The following ADGRD1 variants were observed in gnomAD, a reference collection of about 807,000 sequenced individuals.
ADGRD1 encodes adhesion G protein-coupled receptor D1.
A neutral mutation model predicts 113.4 loss-of-function variants in ADGRD1; 77 were observed. That is an observed-to-expected ratio of 0.68 (90% CI 0.57 to 0.82). The LOEUF (loss-of-function observed/expected upper bound fraction) is 0.82. Among genes scored for constraint, ADGRD1 ranks in the 40% least tolerant of loss-of-function variants. The pLI is 0.00. For missense variants in ADGRD1, 1,036 were observed against 1,139.1 expected (o/e 0.91, Z 1.30); for synonymous variants, 474 against 475.0 (o/e 1.00, Z 0.03).
rs1445549811 is a variant in ADGRD1 at position 131,096,991 on chromosome 12, C to T, written c.1672-7840C>T. Among the ~76,000 whole-genome samples, 2 of 152,174 alleles carry T rather than the reference C, an allele frequency of 1.3e-5. No homozygotes were observed. The highest frequency in any genetic ancestry group is 2.4e-5 in the African/African-American group (1 of 41,442). ...TACACGTGGCTTTTTGGGCAGTGGC[C>T]ACGCCTCTGCTGTGGCTGCAGCCCT... On this transcript the variant is annotated intron_variant, in intron 15 of 24. Transcript: ENST00000261654. The surrounding 1 kb of genome is among the most constrained non-coding windows in gnomAD (Gnocchi z 5.2).
At chr12:130,973,063 G>T (rs1871879262) in intron 4 of ADGRD1, 1 of 152,198 alleles carries the variant, frequency 6.6e-6, no homozygotes, top group Non-Finnish European at 1.5e-5. Flanking sequence ...CTGAAAAATA[G>T]GAAATTTCCA....
chr12:130,982,818 C>T (rs1873180314), intron 5 of ADGRD1, among the ~76,000 whole-genome samples: 1 of 151,930 alleles, frequency 6.6e-6, no homozygotes, highest in Non-Finnish European at 1.5e-5. Flanking sequence ...GAAGTGGAAG[C>T]TGGAGAAGGG....
intron 13 of ADGRD1, chr12:131,024,400 G>C (rs1019671276): frequency 6.6e-6 from 1 of 152,266 alleles, no homozygotes; most frequent in Non-Finnish European, 1.5e-5. Context: ...AGTGTGGCTG[G>C]TGCTGCAGCA....
chr12:131,073,642 T>C (rs1593165326), intron 13 of ADGRD1, among the ~76,000 whole-genome samples: 1 of 152,346 alleles, frequency 6.6e-6, no homozygotes, highest in South Asian at 2.1e-4. Context: ...CTGGGTAATT[T>C]ATAAAGGAAA....
At chr12:131,118,174 T>A (rs1356326534) in intron 18 of ADGRD1, among the ~76,000 whole-genome samples, 1 of 152,154 alleles carries the variant, frequency 6.6e-6, no homozygotes, top group Non-Finnish European at 1.5e-5. Flanking sequence ...AACATGTGAG[T>A]ATGAGTGTGT....
At chr12:131,086,659 C>G (rs959754298) in intron 15 of ADGRD1, among the ~76,000 whole-genome samples, 2 of 152,346 alleles carry the variant, frequency 1.3e-5, no homozygotes, top group Admixed American at 1.3e-4. Context: ...AGCTGCAGCC[C>G]CTCACAGGGC....
intron 13 of ADGRD1, among the ~76,000 whole-genome samples, chr12:131,039,416 A>G (rs1018732649): frequency 1.3e-5 from 2 of 152,258 alleles, no homozygotes; most frequent in African/African-American, 4.8e-5. Context: ...TTCCCGGTCT[A>G]GACCATCTTC....
intron 5 of ADGRD1, among the ~76,000 whole-genome samples, chr12:130,983,043 G>A (rs1171019073): frequency 2.6e-5 from 4 of 152,290 alleles, no homozygotes; most frequent in African/African-American, 7.2e-5. Flanking sequence ...ATTAAAAAGC[G>A]TGAACTCTGG....
At chr12:131,065,189 T>G (rs1162983709) in intron 13 of ADGRD1, among the ~76,000 whole-genome samples, 1 of 152,012 alleles carries the variant, frequency 6.6e-6, no homozygotes, top group Non-Finnish European at 1.5e-5. Flanking sequence ...GTGCCGGGGG[T>G]TCAGGGTTGA....
intron 8 of ADGRD1, among the ~76,000 whole-genome samples, chr12:130,999,633 T>C (rs1876084668): frequency 6.6e-6 from 1 of 152,032 alleles, no homozygotes; most frequent in Non-Finnish European, 1.5e-5. Flanking sequence ...CAGTTAAGAC[T>C]GTGTGTGAAT....
At chr12:130,963,399 C>T (rs1231758803) in intron 2 of ADGRD1, among the ~76,000 whole-genome samples, 5 of 150,928 alleles carry the variant, frequency 3.3e-5, no homozygotes, top group Non-Finnish European at 7.4e-5. Flanking sequence ...AAATCTTCTT[C>T]TTACATCTCG....
At position 131,098,264 on chromosome 12, in the gene ADGRD1, G is replaced by A. The variant is rs146336866; in HGVS notation, c.1672-6567G>A. Among the ~76,000 whole-genome samples the A allele has an allele frequency of 7.9e-4, 67 of 84,742 alleles. 1 individual carries two copies. In the East Asian group the frequency reaches 0.047, roughly 60 times the overall value. 55.6% of individuals were successfully genotyped at this position (84,742 alleles called of 152,430 possible). On this transcript the variant is annotated intron_variant, in intron 15 of 24. Coordinates refer to ENST00000261654, the MANE Select transcript of ADGRD1 (RefSeq NM_198827.5). ...CAGCTCCCCAAGTCCAATCCCGAGC[G>A]GGGAGGGTCTTGCTTTCCCATGATG...
intron 13 of ADGRD1, chr12:131,070,264 G>C (rs1031093202): frequency 6.5e-6 from 1 of 153,134 alleles, no homozygotes; most frequent in African/African-American, 2.4e-5. Context: ...CATTCTAGGG[G>C]ATGACCGCAA....
chr12:131,088,413 A>G (rs1179762564), intron 15 of ADGRD1, among the ~76,000 whole-genome samples: 1 of 152,168 alleles, frequency 6.6e-6, no homozygotes, highest in Admixed American at 6.5e-5. Flanking sequence ...TGACTTGTGG[A>G]TAATTAGGCT....
intron 20 of ADGRD1, among the ~76,000 whole-genome samples, chr12:131,128,185 G>T (rs1950795694): frequency 6.8e-6 from 1 of 147,446 alleles, no homozygotes; most frequent in East Asian, 2.0e-4. Flanking sequence ...TGTGTTGGTT[G>T]TGATGGGATT....
chr12:131,124,442 C>T (rs1950693027), intron 20 of ADGRD1, among the ~76,000 whole-genome samples: 1 of 152,192 alleles, frequency 6.6e-6, no homozygotes, highest in South Asian at 2.1e-4. Flanking sequence ...CATGTATTGC[C>T]TGCATAATTT....
chr12:131,033,537 G>A (rs947261425), intron 13 of ADGRD1, among the ~76,000 whole-genome samples: 1 of 152,234 alleles, frequency 6.6e-6, no homozygotes, highest in South Asian at 2.1e-4. Context: ...TGCTGGGCTG[G>A]GTTGCGCAGG....
At chr12:131,121,424 C>T (rs1368555924) in intron 20 of ADGRD1, among the ~76,000 whole-genome samples, 1 of 152,220 alleles carries the variant, frequency 6.6e-6, no homozygotes, top group Non-Finnish European at 1.5e-5. Context: ...CTCACTTTGT[C>T]TCCCAGGCTG....
intron 13 of ADGRD1, among the ~76,000 whole-genome samples, chr12:131,058,352 A>G (rs1438862715): frequency 1.3e-5 from 2 of 152,168 alleles, no homozygotes; most frequent in Non-Finnish European, 2.9e-5. Context: ...TGCTTGGCCT[A>G]ACAGAAACCT....
Sources: gnomAD v4.1 joint callset for allele counts (sites outside exome capture counted in the v4.1 genomes callset) on GRCh38, gnomAD v4.1.1 for gene constraint, Gnocchi (gnomAD v3.1) non-coding constraint, MANE v1.5 for transcripts, NCBI Gene and HGNC (gene_info 2026-07-23, HGNC 2026-07-21) for gene names.